CALN1: variants seen among roughly 807,000 people sequenced by gnomAD.
CALN1 encodes the protein calneuron 1.
In CALN1, 17 loss-of-function variants were observed where a neutral mutation model predicts 30.6. That is an observed-to-expected ratio of 0.56 (90% CI 0.38 to 0.83). The LOEUF (loss-of-function observed/expected upper bound fraction) is 0.83, where lower values mean the gene tolerates loss of function less well. Among genes scored for constraint, CALN1 ranks in the 40% least tolerant of loss-of-function variants. CALN1 has a pLI of 0.00. For missense variants in CALN1, 291 were observed against 354.9 expected (o/e 0.82, Z 1.45); for synonymous variants, 156 against 131.4 (o/e 1.19, Z -1.28).
At chr7:71,866,131 G>A (rs946853020) in intron 5 of CALN1, among the ~76,000 whole-genome samples, 8 of 151,662 alleles carry the variant, frequency 5.3e-5, no homozygotes, top group East Asian at 1.9e-4. Flanking sequence ...TCAGCCTCCC[G>A]AGTAGCTGGG....
intron 3 of CALN1, among the ~76,000 whole-genome samples, chr7:72,239,478 CAG>C (rs2129551203): frequency 6.6e-6 from 1 of 152,238 alleles, no homozygotes; most frequent in African/African-American, 2.4e-5. Flanking sequence ...TCTTGATGTG[CAG>C]AGATTTTTAT....
At chr7:72,296,854 T>G (rs1293647095) in intron 2 of CALN1, among the ~76,000 whole-genome samples, 13 of 151,450 alleles carry the variant, frequency 8.6e-5, no homozygotes. Context: ...GTGTCTCTAT[T>G]TCCTTCAGTT....
At chr7:72,117,069 T>C (rs1808035616) in intron 3 of CALN1, among the ~76,000 whole-genome samples, 1 of 152,068 alleles carries the variant, frequency 6.6e-6, no homozygotes, top group Non-Finnish European at 1.5e-5. Context: ...TTCCAGCACT[T>C]TGGGAGGCCA....
intron 5 of CALN1, among the ~76,000 whole-genome samples, chr7:71,838,966 A>T (rs1375546592): frequency 6.6e-6 from 1 of 152,020 alleles, no homozygotes; most frequent in Admixed American, 6.6e-5. Context: ...GACTAATACA[A>T]CCTGCCTGAT....
intron 5 of CALN1, among the ~76,000 whole-genome samples, chr7:72,004,979 A>G (rs1799696660): frequency 6.6e-6 from 1 of 152,232 alleles, no homozygotes; most frequent in Non-Finnish European, 1.5e-5. Flanking sequence ...CTAAAATATA[A>G]AATAGTGACA....
rs61475416 is a variant in CALN1 at position 72,125,799 on chromosome 7, C to CTTT, written c.245-19508_245-19506dup. On this transcript the variant is annotated intron_variant, in intron 3 of 6. Coordinates refer to ENST00000395275, the MANE Select transcript of CALN1 (RefSeq NM_031468.4). ...CAAGTCCCAAGTCCACTGTATCATT[C>CTTT]TTTTTTTTTTTTTTTTTTTTGAGAC... is the stretch of plus-strand genomic sequence containing the variant. Among the ~76,000 whole-genome samples the CTTT allele has an allele frequency of 4.3e-3, 495 of 114,744 alleles. 14 individuals carry two copies. Among genetic ancestry groups the CTTT allele is most frequent in the African/African-American group, 0.013 (384 of 29,982 alleles). The allele number at this position is 114,744 out of a possible 152,430, so 75.3% of individuals were successfully genotyped here.
chr7:72,499,898 TTTCTTTCTTTCTTTCTA>T, the CALN1 span, among the ~76,000 whole-genome samples: 1 of 56,348 alleles, frequency 1.8e-5, no homozygotes, highest in African/African-American at 1.0e-4. Context: ...TCTTTCTTTC[TTTCTTTCTTTCTTTCTA>T]TCTTTCTCTT....
intron 3 of CALN1, among the ~76,000 whole-genome samples, chr7:72,179,987 T>TAC (rs753405726): frequency 2.0e-5 from 3 of 152,192 alleles, no homozygotes. Flanking sequence ...AAGGTCATTT[T>TAC]ACATGATCCG....
In CALN1 at chr7:72,308,015, C is replaced by A. The variant is rs939129427; in HGVS notation, c.120-29205G>T. ...CACGGTGATGGACAGAAATCTGCTA[C>A]AAGAAATCAGAACTTTTCTTTGCTC... On this transcript the variant is annotated intron_variant, in intron 2 of 6. Transcript: ENST00000395275. 2.6e-5 allele frequency among the ~76,000 whole-genome samples: 4 copies of A among 152,128 alleles called. No homozygotes were observed. The East Asian group carries it at 5.8e-4, about 22-fold the overall frequency.
intron 5 of CALN1, among the ~76,000 whole-genome samples, chr7:71,892,434 C>G (rs192097628): frequency 6.6e-6 from 1 of 152,040 alleles, no homozygotes; most frequent in Admixed American, 6.6e-5. Flanking sequence ...GCCAGGAGTT[C>G]GAGACCAGCC....
At chr7:71,847,861 G>A (rs893978815) in intron 5 of CALN1, among the ~76,000 whole-genome samples, 2 of 151,708 alleles carry the variant, frequency 1.3e-5, no homozygotes, top group African/African-American at 2.4e-5. Context: ...AGAAGAAGAG[G>A]AAAGTTTTCC....
At chr7:72,348,843 C>T (rs1016276357) in intron 2 of CALN1, among the ~76,000 whole-genome samples, 1 of 152,200 alleles carries the variant, frequency 6.6e-6, no homozygotes, top group African/African-American at 2.4e-5. Flanking sequence ...AACTTCAAAA[C>T]TCTTCAAAGG....
chr7:72,222,225 CAAAAAAAGAAAAAAAA>C (rs1793358585), intron 3 of CALN1, among the ~76,000 whole-genome samples: 2 of 100,288 alleles, frequency 2.0e-5, no homozygotes, highest in Admixed American at 1.9e-4. Flanking sequence ...GACTCCGTCT[CAAAAAAAGAAAAAAAA>C]AAAGAAAGAA....
chr7:72,141,409 T>C (rs1809927718), intron 3 of CALN1, among the ~76,000 whole-genome samples: 1 of 152,054 alleles, frequency 6.6e-6, no homozygotes. Flanking sequence ...AGACCAGCCC[T>C]GGCAACATGG....
chr7:72,469,176 G>C, the CALN1 span, among the ~76,000 whole-genome samples: 1 of 151,942 alleles, frequency 6.6e-6, no homozygotes, highest in African/African-American at 2.4e-5. Context: ...TTCTTCTAAG[G>C]GTTTAATGGG....
chr7:72,285,222 A>G (rs1055511605), intron 2 of CALN1, among the ~76,000 whole-genome samples: 4 of 151,990 alleles, frequency 2.6e-5, no homozygotes, highest in Non-Finnish European at 4.4e-5. Context: ...TTTTCCTGGT[A>G]ATTCTTTCTT....
chr7:71,971,993 G>GAAAGAAAGAAAGAAAAAA lies in CALN1; in HGVS notation c.501+51663_501+51664insTTTTTTCTTTCTTTCTTT, dbSNP rs373873170. Among the ~76,000 whole-genome samples, 11 of 85,678 alleles carry GAAAGAAAGAAAGAAAAAA rather than the reference G, an allele frequency of 1.3e-4. No homozygotes were observed. In the East Asian group the frequency reaches 4.1e-3, roughly 32 times the overall value. 56.2% of individuals were successfully genotyped at this position (85,678 alleles called of 152,430 possible). A position where few individuals can be genotyped will look rare whatever the true frequency, so the allele number is the denominator to read the frequency against. Reference sequence around the variant, plus strand: ...AGAAAGAAAGAAAGAAAGAAAGAAAGAGAAAGAAAGAAAAAAAGAAAGAAA... The same window carrying GAAAGAAAGAAAGAAAAAA: ...AGAAAGAAAGAAAGAAAGAAAGAAAGAAAGAAAGAAAGAAAAAAAGAAAGAAAGAAAAAAAGAAAGAAA... On this transcript the variant is annotated intron_variant, in intron 5 of 6. Transcript: ENST00000395275.
chr7:72,388,869 A>G lies in CALN1; in HGVS notation c.119+14382T>C, dbSNP rs1003763397. 5.3e-5 allele frequency among the ~76,000 whole-genome samples: 8 copies of G among 152,126 alleles called. 1 individual carries two copies. The highest frequency in any genetic ancestry group is 4.1e-4 in the South Asian group (2 of 4,830). The stretch of plus-strand genomic sequence containing the variant: ...GAACTGGTGCATTTGGGCTCCTTCT[A>G]GTTGGTGCAATGCTTTCAGGATTCC... On this transcript the variant is annotated intron_variant, in intron 2 of 6. Coordinates refer to ENST00000395275, the MANE Select transcript of CALN1 (RefSeq NM_031468.4).
intron 5 of CALN1, among the ~76,000 whole-genome samples, chr7:72,010,367 T>TTA (rs1378433300): frequency 1.3e-5 from 2 of 152,154 alleles, no homozygotes; most frequent in African/African-American, 2.4e-5. Context: ...TTTCTCTTGT[T>TTA]TATAAGCTAC....
Sources: gnomAD v4.1 joint callset for allele counts (sites outside exome capture counted in the v4.1 genomes callset) on GRCh38, gnomAD v4.1.1 for gene constraint, MANE v1.5 for transcripts, NCBI Gene and HGNC (gene_info 2026-07-23, HGNC 2026-07-21) for gene names.